The following GPN1 variants were observed in gnomAD, a reference collection of about 807,000 sequenced individuals.
The protein encoded by GPN1 is ATP(GTP)-binding protein.
Under a neutral mutation model 55.9 loss-of-function variants are expected in GPN1, and 44 were observed. The ratio of observed to expected loss-of-function variants is 0.79; its 90% CI spans 0.62 to 1.01. GPN1 has a LOEUF of 1.01. Ranked by LOEUF, GPN1 falls within the 50% of genes least tolerant of loss-of-function variation. The pLI is 0.00. For missense variants in GPN1, 466 were observed against 462.8 expected, an observed-to-expected ratio of 1.01 and a Z score of -0.06; for synonymous variants, 179 against 162.5, an observed-to-expected ratio of 1.10 and a Z score of -0.77.
intron 5 of GPN1, among the ~76,000 whole-genome samples, chr2:27,633,840 C>T (rs1322440379): frequency 6.6e-6 from 1 of 150,984 alleles, no homozygotes; most frequent in Admixed American, 6.6e-5. Flanking sequence ...CCATAAAGTT[C>T]ACTCGTTTAA....
rs1415771431 is a variant in GPN1, at chr2:27,642,441, A to G, written c.853A>G (p.Ser285Gly). The change falls in exon 12 of 14, where the codon AGC becomes GGC. Residue 285 changes from serine (S) to glycine (G), a missense_variant. By Grantham distance (56) the Ser-to-Gly change is moderately conservative (BLOSUM62 0). Transcript: ENST00000610189. Reference protein sequence around the residue: ...RLKKSLANAESQQQREQLERL... With the variant: ...RLKKSLANAEGQQQREQLERL... ...TCTGTATATACAGGCCAACGCAGAGAGCCAACAGCAGAGAGAACAACTGGA... is the reference window on the plus strand; with the variant it reads ...TCTGTATATACAGGCCAACGCAGAGGGCCAACAGCAGAGAGAACAACTGGA... 1.2e-6 allele frequency: 2 copies of G among 1,611,862 alleles called. No individual in the cohort carries two copies. Among genetic ancestry groups the G allele is most frequent in the Non-Finnish European group, 1.7e-6 (2 of 1,177,960 alleles).
rs1673678339 is a variant in GPN1 at position 27,635,045 on chromosome 2, T to C, written c.430-95T>C. The C allele has an allele frequency of 4.1e-6, 4 of 965,896 alleles. No individual in the cohort carries two copies. The East Asian group carries it at 7.2e-5, about 17-fold the overall frequency. The allele number at this position is 965,896 out of a possible 1,614,324, so 59.8% of individuals were successfully genotyped here. ...TTGTAGAAGCTCTGCACACCCTGCC[T>C]AAAGTGGTTTTCCCTTGTTAAGGAT... On this transcript the variant is annotated intron_variant, in intron 6 of 13. Coordinates refer to ENST00000610189, the MANE Select transcript of GPN1 (RefSeq NM_007266.4).
intron 11 of GPN1, 89 bp from the exon 12 acceptor site, chr2:27,642,340 T>C: frequency 1.3e-6 from 1 of 777,182 alleles, no homozygotes; most frequent in Non-Finnish European, 2.3e-6. Flanking sequence ...CCTCTAGTAT[T>C]TGTATAATTC....
At chr2:27,636,841 TAA>T (rs1279444658) in intron 7 of GPN1, among the ~76,000 whole-genome samples, 1 of 152,184 alleles carries the variant, frequency 6.6e-6, no homozygotes, top group Non-Finnish European at 1.5e-5. Flanking sequence ...CATTTCTTTT[TAA>T]AAAAATTAAT....
chr2:27,641,488 T>C (rs567749478), intron 11 of GPN1, among the ~76,000 whole-genome samples: 2 of 152,352 alleles, frequency 1.3e-5, no homozygotes, highest in South Asian at 4.1e-4. Flanking sequence ...TAAATTTGTA[T>C]GTATGTTGTC....
At chr2:27,629,366 C>T (rs1383627871) in intron 1 of GPN1, 197 bp downstream of exon 1, 1 of 1,548,566 alleles carries the variant, frequency 6.5e-7, no homozygotes, top group African/African-American at 1.4e-5. Context: ...CTCTTCTGCG[C>T]ACCTTCAGGG....
chr2:27,629,937 T>A lies in GPN1; in HGVS notation c.190T>A (p.Phe64Ile). The A allele has an allele frequency of 6.3e-7, 1 of 1,587,466 alleles. No homozygotes were observed. The highest frequency in any genetic ancestry group is 8.7e-7 in the Non-Finnish European group (1 of 1,155,590). ...NLDPAVHEVP[F>I]PANIDIRDTV... ...GGATCCAGCAGTACATGAAGTTCCC[T>A]TTCCTGCCAATATTGGTGAGTAAAC... The change falls in exon 2 of 14, where the codon TTT (phenylalanine) becomes ATT (isoleucine). Residue 64 changes from phenylalanine (F) to isoleucine (I), a missense_variant. Physicochemically the swap from Phe to Ile is conservative, Grantham distance 21. Transcript: ENST00000610189.
intron 1 of GPN1, chr2:27,629,382 T>G: frequency 6.4e-7 from 1 of 1,550,988 alleles, no homozygotes; most frequent in East Asian, 2.4e-5. Context: ...CAGGGCATAC[T>G]CGGTCCAGCT....
At chr2:27,632,723 G>C in intron 5 of GPN1, 53 bp downstream of exon 5, 3 of 1,167,080 alleles carry the variant, frequency 2.6e-6, no homozygotes, top group Non-Finnish European at 3.9e-6. Context: ...CATATTTCTA[G>C]GCTTCATGGA....
intron 7 of GPN1, among the ~76,000 whole-genome samples, chr2:27,637,287 G>A (rs1342600543): frequency 9.2e-5 from 14 of 152,048 alleles, no homozygotes; most frequent in Non-Finnish European, 7.4e-5. Flanking sequence ...GAAGTAGATC[G>A]TCATAAAACT....
In GPN1 at chr2:27,629,174, C is replaced by T; in HGVS notation, c.111+5C>T. On this transcript the variant is annotated splice_donor_5th_base_variant and intron_variant, in intron 1 of 13. Coordinates refer to ENST00000610189, the MANE Select transcript of GPN1 (RefSeq NM_007266.4). ...GGGAAAACCACTTTTGTACAGGTGACGTACACAGCATGGGTGTAGTAGGGG... is the reference window on the plus strand; with the variant it reads ...GGGAAAACCACTTTTGTACAGGTGATGTACACAGCATGGGTGTAGTAGGGG... 1 of 1,613,904 alleles carries T rather than the reference C, an allele frequency of 6.2e-7. No homozygotes were observed. The highest frequency in any genetic ancestry group is 8.5e-7 in the Non-Finnish European group (1 of 1,179,842).
At chr2:27,633,805 G>A (rs753355137) in intron 5 of GPN1, among the ~76,000 whole-genome samples, 1 of 150,668 alleles carries the variant, frequency 6.6e-6, no homozygotes, top group Non-Finnish European at 1.5e-5. Context: ...TTTAATGACA[G>A]CTTTATTAAG....
intron 4 of GPN1, 46 bp downstream of exon 4, chr2:27,631,946 G>T: frequency 9.4e-7 from 1 of 1,068,656 alleles, no homozygotes; most frequent in South Asian, 1.2e-5. Flanking sequence ...AAAAATCTGT[G>T]ACTCTTAAAT....
At chr2:27,646,000 G>T (rs1674208839) in intron 12 of GPN1, among the ~76,000 whole-genome samples, 1 of 151,740 alleles carries the variant, frequency 6.6e-6, no homozygotes, top group African/African-American at 2.4e-5. Flanking sequence ...AAAGTACTGG[G>T]ATTACAGGTG....
intron 13 of GPN1, 95 bp from the exon 14 acceptor site, chr2:27,650,020 G>A: frequency 1.4e-6 from 1 of 722,280 alleles, no homozygotes; most frequent in Non-Finnish European, 2.5e-6. Flanking sequence ...AAGTTTCTTA[G>A]AAGTAATGTA....
intron 12 of GPN1, among the ~76,000 whole-genome samples, chr2:27,647,469 C>G (rs180821481): frequency 1.3e-5 from 2 of 152,320 alleles, no homozygotes; most frequent in East Asian, 3.9e-4. Flanking sequence ...CACACTTTCA[C>G]TGTGACTCAC....
chr2:27,632,705 G>C, intron 5 of GPN1, 35 bp downstream of exon 5: 1 of 1,364,776 alleles, frequency 7.3e-7, no homozygotes, highest in Non-Finnish European at 1.0e-6. Flanking sequence ...TTATTACTCT[G>C]TAGCTGACAT....
rs1215048248 is a variant in GPN1 at position 27,643,210 on chromosome 2, TAC to T, written c.931+693_931+694del. 6.6e-6 allele frequency among the ~76,000 whole-genome samples: 1 copy of T among 150,960 alleles called. No individual in the cohort carries two copies. The highest frequency in any genetic ancestry group is 2.4e-5 in the African/African-American group (1 of 41,218). ...TAATTAAAAAAAATTTTTTTTTTTTTACAGTTTGACCTTAATTTCAGATTTAC... is the reference window on the plus strand; with the variant it reads ...TAATTAAAAAAAATTTTTTTTTTTTTAGTTTGACCTTAATTTCAGATTTAC... On this transcript the variant is annotated intron_variant, in intron 12 of 13. Coordinates refer to ENST00000610189, the MANE Select transcript of GPN1 (RefSeq NM_007266.4). The surrounding 1 kb of genome is among the most constrained non-coding windows in gnomAD (Gnocchi z 4.0).
chr2:27,649,248 AAAAC>A (rs1257990424), intron 13 of GPN1, among the ~76,000 whole-genome samples: 171 of 149,494 alleles, frequency 1.1e-3, no homozygotes, highest in African/African-American at 3.9e-3. Flanking sequence ...TTGATCTCAA[AAAAC>A]AAACAAACAA....
Sources: gnomAD v4.1 joint callset for allele counts (sites outside exome capture counted in the v4.1 genomes callset) on GRCh38, gnomAD v4.1.1 for gene constraint, Gnocchi (gnomAD v3.1) non-coding constraint, MANE v1.5 for transcripts, NCBI Gene and HGNC (gene_info 2026-07-23, HGNC 2026-07-21) for gene names.